The following ROS1 variants were observed in gnomAD, a reference collection of about 807,000 sequenced individuals.
The protein encoded by ROS1 is ROS proto-oncogene 1, receptor tyrosine kinase.
A neutral mutation model predicts 273.5 loss-of-function variants in ROS1; 263 were observed. The ratio of observed to expected loss-of-function variants is 0.96; its 90% confidence interval spans 0.87 to 1.06. The LOEUF is 1.06. Ranked by LOEUF, ROS1 falls within the 50% of genes least tolerant of loss-of-function variation. ROS1 has a pLI of 0.00. For synonymous variants in ROS1, 1,008 were observed against 954.1 expected, an observed-to-expected ratio of 1.06 and a Z score of -1.04; for missense variants, 2,833 against 2,751.1, an observed-to-expected ratio of 1.03 and a Z score of -0.67.
chr6:117,411,439 C>T (rs985560281), intron 4 of ROS1, among the ~76,000 whole-genome samples: 17 of 152,120 alleles, frequency 1.1e-4, no homozygotes, highest in African/African-American at 3.6e-4. Context: ...GAGCCTGAAG[C>T]CTCTGGATGG....
At chr6:117,307,492 T>A (rs974512113) in intron 42 of ROS1, among the ~76,000 whole-genome samples, 6 of 152,116 alleles carry the variant, frequency 3.9e-5, no homozygotes, top group African/African-American at 1.4e-4. Context: ...ATCCTGGGCT[T>A]TTTTCTTAAA....
intron 2 of ROS1, among the ~76,000 whole-genome samples, chr6:117,417,908 A>T (rs563451965): frequency 1.3e-5 from 2 of 152,128 alleles, no homozygotes; most frequent in Non-Finnish European, 2.9e-5. Flanking sequence ...ACACACCACA[A>T]TTCTGGTTCT....
chr6:117,322,432 CT>C (rs1410001801), intron 35 of ROS1, among the ~76,000 whole-genome samples: 1 of 152,108 alleles, frequency 6.6e-6, no homozygotes, highest in Non-Finnish European at 1.5e-5. Flanking sequence ...CTTATTTCAT[CT>C]ATTTTTGTCT....
At chr6:117,353,289 T>TA (rs953277644) in intron 26 of ROS1, 123 bp from the exon 27 acceptor site, 1 of 665,010 alleles carries the variant, frequency 1.5e-6, no homozygotes, top group Admixed American at 3.2e-5. Context: ...ATTTCAACAT[T>TA]AAAAAATACC....
chr6:117,412,879 C>G (rs1178306230), intron 4 of ROS1, among the ~76,000 whole-genome samples: 1 of 152,196 alleles, frequency 6.6e-6, no homozygotes, highest in Non-Finnish European at 1.5e-5. Flanking sequence ...TTTCCTGACA[C>G]TGGTACATTT....
At chr6:117,371,722 T>C (rs1582769626) in intron 18 of ROS1, among the ~76,000 whole-genome samples, 1 of 152,308 alleles carries the variant, frequency 6.6e-6, no homozygotes, top group Non-Finnish European at 1.5e-5. Context: ...ACTGGCTGCA[T>C]GGGAGACATG....
intron 17 of ROS1, among the ~76,000 whole-genome samples, chr6:117,382,826 A>G (rs1026701254): frequency 6.6e-6 from 1 of 152,148 alleles, no homozygotes; most frequent in Non-Finnish European, 1.5e-5. Context: ...AGGAGGTAGA[A>G]TAATAGTTAA....
chr6:117,398,799 C>A (rs1338040418), intron 7 of ROS1, among the ~76,000 whole-genome samples: 1 of 151,422 alleles, frequency 6.6e-6, no homozygotes, highest in Non-Finnish European at 1.5e-5. Flanking sequence ...ATGGTGAAAC[C>A]CCATCTCTAC....
chr6:117,381,513 A>C (rs574394062), intron 17 of ROS1, among the ~76,000 whole-genome samples: 1 of 152,180 alleles, frequency 6.6e-6, no homozygotes, highest in East Asian at 1.9e-4. Flanking sequence ...TTCCTGAGTT[A>C]CTTTACTTAG....
intron 5 of ROS1, among the ~76,000 whole-genome samples, chr6:117,407,901 A>T (rs568726015): frequency 9.2e-5 from 14 of 152,336 alleles, no homozygotes; most frequent in Admixed American, 2.0e-4. Context: ...GCCCTCAGAA[A>T]TAATGCCACA....
chr6:117,413,811 A>C (rs983046264), intron 4 of ROS1, among the ~76,000 whole-genome samples: 6 of 151,980 alleles, frequency 3.9e-5, no homozygotes, highest in Non-Finnish European at 7.4e-5. Flanking sequence ...GCAAAACCCC[A>C]TCTCTACTAA....
At chr6:117,290,564 G>C (rs1004356457) in intron 43 of ROS1, among the ~76,000 whole-genome samples, 1 of 152,168 alleles carries the variant, frequency 6.6e-6, no homozygotes, top group Non-Finnish European at 1.5e-5. Context: ...CAAGTAAGAC[G>C]GGGTATTTAC....
rs1367747316 is a variant in ROS1, at chr6:117,310,067, C to T, written c.6416+14G>A. The stretch of plus-strand genomic sequence containing the variant: ...TGATTCTGTCAGCATTACTCTGTGT[C>T]CCGTTAAACTTACCATACATCAGAT... On this transcript the variant is annotated intron_variant, in intron 41 of 43. Transcript: ENST00000368507. 3.7e-6 allele frequency: 6 copies of T among 1,604,286 alleles called. No homozygotes were observed. Among genetic ancestry groups the T allele is most frequent in the South Asian group, 2.2e-5 (2 of 90,816 alleles).
intron 28 of ROS1, among the ~76,000 whole-genome samples, chr6:117,343,805 AT>A (rs1180346441): frequency 1.3e-5 from 2 of 152,160 alleles, no homozygotes; most frequent in Admixed American, 6.5e-5. Context: ...AATAAACCCA[AT>A]TCTTTCTGGA....
chr6:117,413,099 C>T (rs1379657011), intron 4 of ROS1, among the ~76,000 whole-genome samples: 1 of 152,132 alleles, frequency 6.6e-6, no homozygotes, highest in African/African-American at 2.4e-5. Context: ...TATAACCAAC[C>T]AGTAACAACT....
intron 35 of ROS1, among the ~76,000 whole-genome samples, chr6:117,322,323 T>G (rs954220850): frequency 1.3e-5 from 2 of 152,182 alleles, no homozygotes; most frequent in African/African-American, 4.8e-5. Context: ...TCCTCAATGA[T>G]GCCTTCTGAA....
intron 2 of ROS1, 88 bp from the exon 3 acceptor site, chr6:117,416,405 G>T: frequency 1.2e-6 from 1 of 841,616 alleles, no homozygotes. Context: ...GTAACAAAAG[G>T]CATCACTCTG....
chr6:117,371,449 CCTGA>C (rs1780762173), intron 18 of ROS1, among the ~76,000 whole-genome samples: 1 of 152,120 alleles, frequency 6.6e-6, no homozygotes, highest in Non-Finnish European at 1.5e-5. Flanking sequence ...GGAAACCATT[CCTGA>C]CTTTGTCTTG....
At chr6:117,296,165 A>G (rs1180213155) in intron 43 of ROS1, among the ~76,000 whole-genome samples, 2 of 152,188 alleles carry the variant, frequency 1.3e-5, no homozygotes, top group African/African-American at 4.8e-5. Context: ...TGGGAGGCAG[A>G]GGTAGGCGGA....
Sources: gnomAD v4.1 joint callset for allele counts (sites outside exome capture counted in the v4.1 genomes callset) on GRCh38, gnomAD v4.1.1 for gene constraint, MANE v1.5 for transcripts, NCBI Gene and HGNC (gene_info 2026-07-23, HGNC 2026-07-21) for gene names.